Variants in DDAH1 observed in about 807,000 individuals in gnomAD.
DDAH1 encodes N(G),N(G)-dimethylarginine dimethylaminohydrolase 1.
DDAH1 carries 19 observed loss-of-function variants against 28.8 expected under a neutral mutation model. The ratio of observed to expected loss-of-function variants is 0.66; its 90% CI spans 0.46 to 0.97. DDAH1 has a LOEUF of 0.97. Among genes scored for constraint, DDAH1 ranks in the 50% least tolerant of loss-of-function variants. The pLI is 0.00. For missense variants in DDAH1, 326 were observed against 375.9 expected (o/e 0.87, Z 1.10); for synonymous variants, 153 against 154.4 (o/e 0.99, Z 0.07).
chr1:85,328,332 GA>G (rs1184666504), intron 4 of DDAH1, among the ~76,000 whole-genome samples: 1 of 152,176 alleles, frequency 6.6e-6, no homozygotes, highest in East Asian at 1.9e-4. Context: ...GTCAGGTTGT[GA>G]CCCCAATTTA....
chr1:85,565,027 T>C (rs1343313189), intron 1 of DDAH1, among the ~76,000 whole-genome samples: 1 of 151,866 alleles, frequency 6.6e-6, no homozygotes, highest in Non-Finnish European at 1.5e-5. Flanking sequence ...AAACCCCATT[T>C]CTACTGAAAA....
At chr1:85,358,887 T>C (rs1431211550) in intron 1 of DDAH1, 40 bp from the exon 2 acceptor site, 7 of 1,467,918 alleles carry the variant, frequency 4.8e-6, no homozygotes, top group Non-Finnish European at 6.6e-6. Flanking sequence ...ATGCTACAAT[T>C]TCCTAACAAG....
intron 1 of DDAH1, among the ~76,000 whole-genome samples, chr1:85,462,595 C>T (rs1655176504): frequency 1.0e-3 from 3 of 2,922 alleles, no homozygotes; most frequent in South Asian, 0.5. Flanking sequence ...ATTAGCATTT[C>T]ATTCATCATT....
At chr1:85,423,620 C>T (rs1331227537) in intron 1 of DDAH1, among the ~76,000 whole-genome samples, 1 of 152,008 alleles carries the variant, frequency 6.6e-6, no homozygotes, top group East Asian at 1.9e-4. Context: ...AAGCAATCAA[C>T]TTTTGTATAT....
chr1:85,332,338 T>G (rs1050823269), intron 4 of DDAH1, among the ~76,000 whole-genome samples: 1 of 151,916 alleles, frequency 6.6e-6, no homozygotes, highest in Non-Finnish European at 1.5e-5. Context: ...CTGGGGAGGG[T>G]GATCCTGGGA....
rs575940038 is a variant in DDAH1 at position 85,348,505 on chromosome 1, G to A, written c.597+1910C>T. Among the ~76,000 whole-genome samples the A allele has an allele frequency of 7.4e-4, 113 of 152,244 alleles. No homozygotes were observed. In the South Asian group the frequency reaches 0.023, roughly 31 times the overall value. ...CACCTGTACCCCTGGAAACCCACTA[G>A]AAACTCTACGAGTTGAGCTGGTTTG... On this transcript the variant is annotated intron_variant, in intron 4 of 5. Transcript: ENST00000284031.
intron 1 of DDAH1, among the ~76,000 whole-genome samples, chr1:85,511,488 A>G (rs930760138): frequency 1.3e-5 from 2 of 152,252 alleles, no homozygotes; most frequent in East Asian, 1.9e-4. Context: ...AAGGCAAGAA[A>G]TAACTAAGAT....
At chr1:85,342,387 AGTGTGTGT>A (rs58992773) in intron 4 of DDAH1, among the ~76,000 whole-genome samples, 2 of 147,884 alleles carry the variant, frequency 1.4e-5, no homozygotes, top group Non-Finnish European at 3.0e-5. Flanking sequence ...TTTTTCTATG[AGTGTGTGT>A]GTGTGTGTGT....
intron 1 of DDAH1, among the ~76,000 whole-genome samples, chr1:85,498,393 A>C (rs1445055558): frequency 1.3e-5 from 2 of 152,248 alleles, no homozygotes; most frequent in Admixed American, 1.3e-4. Context: ...AAGCAAAAAT[A>C]ATAAAACTTA....
At chr1:85,377,465 A>G (rs143285223) in intron 1 of DDAH1, among the ~76,000 whole-genome samples, 1 of 152,248 alleles carries the variant, frequency 6.6e-6, no homozygotes, top group Non-Finnish European at 1.5e-5. Flanking sequence ...AACCAAACCC[A>G]AAGGCCACAG....
chr1:85,556,051 T>A (rs1444443665), intron 1 of DDAH1, among the ~76,000 whole-genome samples: 1 of 149,736 alleles, frequency 6.7e-6, no homozygotes, highest in Non-Finnish European at 1.5e-5. Flanking sequence ...GGCTGGGGAG[T>A]GCGGCCACCG....
intron 1 of DDAH1, among the ~76,000 whole-genome samples, chr1:85,555,651 T>C (rs78667804): frequency 0.017 from 2,567 of 152,316 alleles, 68 homozygotes; most frequent in African/African-American, 0.059. Context: ...TCAGAGTGGC[T>C]GATCGACCCA....
intron 1 of DDAH1, among the ~76,000 whole-genome samples, chr1:85,532,746 G>A (rs1381537370): frequency 2.0e-5 from 3 of 152,128 alleles, no homozygotes; most frequent in African/African-American, 7.2e-5. Flanking sequence ...GGGGTTCACA[G>A]AGCAAAGCCA....
At chr1:85,339,744 T>G (rs1012852104) in intron 4 of DDAH1, among the ~76,000 whole-genome samples, 1 of 152,234 alleles carries the variant, frequency 6.6e-6, no homozygotes, top group African/African-American at 2.4e-5. Flanking sequence ...TATGCTTTAT[T>G]AACCTTCAGC....
chr1:85,479,529 A>C (rs982202186), intron 2 of DDAH1, among the ~76,000 whole-genome samples: 4 of 152,242 alleles, frequency 2.6e-5, no homozygotes, highest in Admixed American at 6.5e-5. Context: ...TAAATTAAAC[A>C]AATCAGGCAC....
intron 1 of DDAH1, among the ~76,000 whole-genome samples, chr1:85,443,348 A>G (rs1201112252): frequency 1.3e-5 from 2 of 152,154 alleles, no homozygotes; most frequent in Middle Eastern, 3.4e-3. Flanking sequence ...GATGTGTGGT[A>G]TTATTTCTGA....
chr1:85,473,633 C>G (rs150926317), intron 2 of DDAH1, among the ~76,000 whole-genome samples: 1 of 152,102 alleles, frequency 6.6e-6, no homozygotes, highest in Non-Finnish European at 1.5e-5. Flanking sequence ...GTGGTATTAA[C>G]GCACAATGGT....
chr1:85,469,196 A>G (rs1486364255), upstream of DDAH1, among the ~76,000 whole-genome samples: 1 of 152,218 alleles, frequency 6.6e-6, no homozygotes, highest in African/African-American at 2.4e-5. Flanking sequence ...AAGAAAAGAA[A>G]ACATGAGGTT....
intron 1 of DDAH1, among the ~76,000 whole-genome samples, chr1:85,366,251 G>T (rs907757081): frequency 1.4e-4 from 22 of 152,136 alleles, no homozygotes; most frequent in Non-Finnish European, 2.9e-5. Context: ...GAGAACTCAT[G>T]ATTTTATCAA....
Sources: gnomAD v4.1 joint callset for allele counts (sites outside exome capture counted in the v4.1 genomes callset) on GRCh38, gnomAD v4.1.1 for gene constraint, MANE v1.5 for transcripts, NCBI Gene and HGNC (gene_info 2026-07-23, HGNC 2026-07-21) for gene names.